The following MLLT3 variants were observed in gnomAD, a reference collection of about 807,000 sequenced individuals.
MLLT3 encodes the protein MLLT3 super elongation complex subunit.
Under a neutral mutation model 53.2 loss-of-function variants are expected in MLLT3, and 4 were observed. The ratio of observed to expected loss-of-function variants is 0.08; its 90% CI spans 0.04 to 0.17. The LOEUF is 0.17. MLLT3 is among the 10% of genes least tolerant of loss of function. The pLI, the probability that MLLT3 is intolerant of heterozygous loss-of-function variation, is 1.00. For missense variants in MLLT3, 569 were observed against 684.0 expected (o/e 0.83, Z 1.87); for synonymous variants, 283 against 230.6 (o/e 1.23, Z -2.06).
chr9:20,386,334 G>C (rs1432510513), intron 5 of MLLT3, among the ~76,000 whole-genome samples: 1 of 152,164 alleles, frequency 6.6e-6, no homozygotes, highest in Non-Finnish European at 1.5e-5. Context: ...GTAAGGAGAA[G>C]GGTCATTCAT....
chr9:20,525,765 G>A (rs1237206452), intron 2 of MLLT3, among the ~76,000 whole-genome samples: 3 of 152,160 alleles, frequency 2.0e-5, no homozygotes, highest in Non-Finnish European at 2.9e-5. Context: ...CCCTTTTAAT[G>A]TGTCAGTCCA....
intron 3 of MLLT3, among the ~76,000 whole-genome samples, chr9:20,453,780 T>C (rs1229876299): frequency 6.6e-6 from 1 of 152,216 alleles, no homozygotes; most frequent in Admixed American, 6.5e-5. Context: ...CATCATTTTT[T>C]GAGATTTACT....
rs541978170 is a variant in MLLT3, at chr9:20,622,316, C to A, written c.-60G>T. On this transcript the variant is annotated 5_prime_UTR_variant, in exon 1 of 11. Coordinates refer to ENST00000380338, the MANE Select transcript of MLLT3 (RefSeq NM_004529.4). ...TGGTACCCCCCCCTCCTCCGCCCCC[C>A]CTCAGCTGTAATTCATGAAGAGGCT... 3.4e-6 allele frequency: 5 copies of A among 1,460,342 alleles called. No homozygotes were observed. The South Asian group carries it at 4.0e-5, about 12-fold the overall frequency. The allele number at this position is 1,460,342 out of a possible 1,614,324, so 90.5% of individuals were successfully genotyped here.
chr9:20,388,732 G>A (rs1046577260), intron 5 of MLLT3, among the ~76,000 whole-genome samples: 1 of 152,098 alleles, frequency 6.6e-6, no homozygotes, highest in African/African-American at 2.4e-5. Flanking sequence ...AGTTTCTCAC[G>A]AAAGTTATAT....
intron 2 of MLLT3, among the ~76,000 whole-genome samples, chr9:20,467,772 G>C (rs1209532510): frequency 6.6e-6 from 1 of 152,084 alleles, no homozygotes; most frequent in South Asian, 2.1e-4. Context: ...AGAAAGAGGA[G>C]GAAAAAGGAG....
intron 5 of MLLT3, among the ~76,000 whole-genome samples, chr9:20,390,943 T>C (rs1187712907): frequency 6.6e-6 from 1 of 152,208 alleles, no homozygotes; most frequent in Admixed American, 6.5e-5. Context: ...TGAAATCCCA[T>C]CTCATTTTTT....
chr9:20,521,962 C>T (rs913952713), intron 2 of MLLT3, among the ~76,000 whole-genome samples: 3 of 148,064 alleles, frequency 2.0e-5, no homozygotes, highest in East Asian at 1.9e-4. Context: ...GGAGACAGCA[C>T]GTGATATTAA....
chr9:20,540,616 GT>G (rs1245646386), intron 2 of MLLT3, among the ~76,000 whole-genome samples: 1 of 152,220 alleles, frequency 6.6e-6, no homozygotes, highest in Non-Finnish European at 1.5e-5. Flanking sequence ...AGGGTGCCAT[GT>G]CTTAAGGCTG....
intron 5 of MLLT3, among the ~76,000 whole-genome samples, chr9:20,395,336 G>C (rs1248479327): frequency 2.0e-5 from 3 of 152,112 alleles, no homozygotes; most frequent in African/African-American, 4.8e-5. Context: ...TCTTACTTTG[G>C]CTTCATGCCC....
intron 2 of MLLT3, among the ~76,000 whole-genome samples, chr9:20,496,056 C>G (rs1188510862): frequency 6.6e-6 from 1 of 152,186 alleles, no homozygotes; most frequent in Non-Finnish European, 1.5e-5. Flanking sequence ...CAACATGTCA[C>G]ACTTGTACTG....
chr9:20,576,721 T>C (rs1480245341), intron 2 of MLLT3, among the ~76,000 whole-genome samples: 2 of 152,000 alleles, frequency 1.3e-5, no homozygotes, highest in Non-Finnish European at 2.9e-5. Context: ...TAATGAAAAA[T>C]TCTGATATAC....
chr9:20,415,922 T>C (rs1431687031), intron 4 of MLLT3, among the ~76,000 whole-genome samples: 1 of 151,968 alleles, frequency 6.6e-6, no homozygotes, highest in East Asian at 1.9e-4. Context: ...AAATGACATA[T>C]AACAAAATTA....
chr9:20,529,409 T>C (rs1818274962), intron 2 of MLLT3, among the ~76,000 whole-genome samples: 1 of 152,230 alleles, frequency 6.6e-6, no homozygotes, highest in Non-Finnish European at 1.5e-5. Context: ...GATTAAAAGT[T>C]CTAAAAACTG....
chr9:20,513,863 C>T (rs1395147848), intron 2 of MLLT3, among the ~76,000 whole-genome samples: 1 of 152,226 alleles, frequency 6.6e-6, no homozygotes, highest in Non-Finnish European at 1.5e-5. Context: ...TATAAAAATT[C>T]ACTGTAATTC....
At chr9:20,507,940 A>T (rs1162857576) in intron 2 of MLLT3, among the ~76,000 whole-genome samples, 2 of 152,146 alleles carry the variant, frequency 1.3e-5, no homozygotes, top group African/African-American at 4.8e-5. Context: ...TTAAAAAAAG[A>T]ATAAAAGCAG....
intron 2 of MLLT3, among the ~76,000 whole-genome samples, chr9:20,540,275 C>T (rs546032057): frequency 4.1e-4 from 63 of 152,236 alleles, no homozygotes; most frequent in Admixed American, 1.3e-3. Context: ...CACAGCTCCA[C>T]TAGGCAGTGC....
At chr9:20,565,139 T>C (rs1445539375) in intron 2 of MLLT3, among the ~76,000 whole-genome samples, 2 of 152,088 alleles carry the variant, frequency 1.3e-5, no homozygotes, top group African/African-American at 4.8e-5. Context: ...TATGTTTTTT[T>C]TTTTTCTCAG....
At chr9:20,519,035 G>GT (rs1402887091) in intron 2 of MLLT3, among the ~76,000 whole-genome samples, 1 of 152,022 alleles carries the variant, frequency 6.6e-6, no homozygotes, top group Non-Finnish European at 1.5e-5. Flanking sequence ...AAGGAATAGT[G>GT]TTTTTAAATC....
At chr9:20,467,905 G>A (rs1017027482) in intron 2 of MLLT3, among the ~76,000 whole-genome samples, 1 of 152,152 alleles carries the variant, frequency 6.6e-6, no homozygotes, top group African/African-American at 2.4e-5. Context: ...TTAAATCAAG[G>A]GCTCATTGAA....
Sources: allele counts gnomAD v4.1 joint callset (sites outside exome capture counted in the v4.1 genomes callset), GRCh38; gene constraint gnomAD v4.1.1; transcripts MANE v1.5; gene names NCBI Gene and HGNC (gene_info 2026-07-23, HGNC 2026-07-21).